Variants in DYNC2H1 observed in about 807,000 individuals in gnomAD.
DYNC2H1 encodes the protein cytoplasmic dynein 2 heavy chain 1.
Under a neutral mutation model 570.0 loss-of-function variants are expected in DYNC2H1, and 410 were observed. The observed-to-expected ratio is 0.72, with a 90% CI of 0.66 to 0.78. The LOEUF (loss-of-function observed/expected upper bound fraction) is 0.78, where lower values mean the gene tolerates loss of function less well. DYNC2H1 is among the 30% of genes least tolerant of loss of function. DYNC2H1 has a pLI of 0.00. For missense variants in DYNC2H1, 4,865 were observed against 5,046.4 expected, an observed-to-expected ratio of 0.96 and a Z score of 1.09; for synonymous variants, 1,688 against 1,677.6, an observed-to-expected ratio of 1.01 and a Z score of -0.15.
intron 12 of DYNC2H1, 61 bp downstream of exon 12, chr11:103,125,356 A>T: frequency 4.3e-4 from 361 of 847,594 alleles, no homozygotes; most frequent in Non-Finnish European, 5.6e-4. Flanking sequence ...AAACTAGAAT[A>T]TGCTAAAGGC....
chr11:103,342,977 G>C (rs561461108), intron 82 of DYNC2H1, among the ~76,000 whole-genome samples: 3 of 152,192 alleles, frequency 2.0e-5, no homozygotes, highest in African/African-American at 7.2e-5. Flanking sequence ...CTTAGAATTT[G>C]GGGGCTAAAC....
chr11:103,388,711 G>GCA (rs141355910), intron 83 of DYNC2H1, among the ~76,000 whole-genome samples: 1 of 151,636 alleles, frequency 6.6e-6, no homozygotes, highest in Non-Finnish European at 1.5e-5. Context: ...TTAGCATGAA[G>GCA]GTTGTTGAAT....
At position 103,275,333 on chromosome 11, in the gene DYNC2H1, A is replaced by T. The variant is rs990464105; in HGVS notation, c.10696-5015A>T. On this transcript the variant is annotated intron_variant, in intron 70 of 88. Transcript: ENST00000375735. The surrounding 1 kb of genome is among the most constrained non-coding windows in gnomAD (Gnocchi z 4.8). ...GTGGTACACTTGTTAAAACTGTTCA[A>T]CTTACATTGACACATCCTAATCACC... Among the ~76,000 whole-genome samples, 4 of 152,284 alleles carry T rather than the reference A, an allele frequency of 2.6e-5. No homozygotes were observed. The highest frequency in any genetic ancestry group is 5.9e-5 in the Non-Finnish European group (4 of 68,016).
chr11:103,350,790 C>T (rs1157637634), intron 82 of DYNC2H1, among the ~76,000 whole-genome samples: 2 of 151,974 alleles, frequency 1.3e-5, no homozygotes, highest in African/African-American at 4.8e-5. Context: ...GTGAGGTCTC[C>T]AGTGTCTCTT....
At chr11:103,475,042 C>T (rs1473036708) in intron 88 of DYNC2H1, among the ~76,000 whole-genome samples, 1 of 152,124 alleles carries the variant, frequency 6.6e-6, no homozygotes, top group Non-Finnish European at 1.5e-5. Flanking sequence ...AAAAATTATG[C>T]AAGATGTTTA....
intron 78 of DYNC2H1, among the ~76,000 whole-genome samples, chr11:103,308,672 T>G (rs971254490): frequency 6.6e-6 from 1 of 152,170 alleles, no homozygotes; most frequent in Non-Finnish European, 1.5e-5. Context: ...TGTGTGTGTT[T>G]AATAGTGGTC....
Position 103,220,629 on chromosome 11 carries a change from G to A in DYNC2H1, c.8953G>A (p.Val2985Ile), listed in dbSNP as rs1183470556. The change falls in exon 57 of 89, where the codon GTC becomes ATC. Residue 2985 changes from valine (V) to isoleucine (I), a missense_variant. By Grantham distance (29) the Val-to-Ile change is conservative. Coordinates refer to ENST00000375735, the MANE Select transcript of DYNC2H1 (RefSeq NM_001377.3). ...TGGCCTTTTTCTCTTTTAGCCTTTA[G>A]TCAATGAAGCTAAACTAGCAGTTGG... ...DDELKEVQPL[V>I]NEAKLAVGNI... The A allele has an allele frequency of 2.5e-6, 4 of 1,603,366 alleles. No homozygotes were observed. In the African/African-American group the frequency reaches 5.4e-5, roughly 21 times the overall value.
chr11:103,381,538 C>T (rs535792072), intron 83 of DYNC2H1, among the ~76,000 whole-genome samples: 1 of 152,288 alleles, frequency 6.6e-6, no homozygotes, highest in Admixed American at 6.5e-5. Flanking sequence ...CAACCTCCAC[C>T]TCCCGCGTTC....
Position 103,113,827 on chromosome 11 carries a change from C to G in DYNC2H1, c.366+120C>G, listed in dbSNP as rs1006484042. ...AGTGTTTTAATTTTAATTAAAATAT[C>G]TTTTCTTAACTTTTTTTAACTTAAA... On this transcript the variant is annotated intron_variant, in intron 2 of 88. Coordinates refer to ENST00000375735, the MANE Select transcript of DYNC2H1 (RefSeq NM_001377.3). 4.4e-5 allele frequency: 39 copies of G among 889,292 alleles called. No individual in the cohort carries two copies. In the African/African-American group the frequency reaches 5.8e-4, roughly 13 times the overall value. 55.1% of individuals were successfully genotyped at this position (889,292 alleles called of 1,614,324 possible).
chr11:103,183,267 A>G (rs1301986767), intron 40 of DYNC2H1, among the ~76,000 whole-genome samples: 1 of 151,898 alleles, frequency 6.6e-6, no homozygotes, highest in African/African-American at 2.4e-5. Context: ...TCAGAGCCTA[A>G]CAAGGCTTTC....
chr11:103,474,060 C>T (rs766486174), intron 88 of DYNC2H1: 11 of 228,378 alleles, frequency 4.8e-5, no homozygotes, highest in South Asian at 3.1e-4. Context: ...ATTTCACTAA[C>T]ATATTTTGTA....
chr11:103,165,819 A>G, intron 30 of DYNC2H1, 79 bp from the exon 31 acceptor site: 2 of 1,211,984 alleles, frequency 1.7e-6, no homozygotes, highest in Non-Finnish European at 2.2e-6. Context: ...TATTTGAAAA[A>G]AGGTGCCTTT....
At chr11:103,407,142 C>T (rs1942894812) in intron 84 of DYNC2H1, 1 of 151,210 alleles carries the variant, frequency 6.6e-6, no homozygotes, top group Non-Finnish European at 1.5e-5. Flanking sequence ...ATGTTTATTT[C>T]TAGGCCTGTC....
intron 82 of DYNC2H1, among the ~76,000 whole-genome samples, chr11:103,336,566 T>A (rs4754064): frequency 6.6e-6 from 1 of 152,024 alleles, no homozygotes; most frequent in African/African-American, 2.4e-5. Context: ...TATTTGTCTT[T>A]CTGTACCTGG....
chr11:103,123,450 G>C (rs1278110004), intron 11 of DYNC2H1, among the ~76,000 whole-genome samples: 1 of 152,084 alleles, frequency 6.6e-6, no homozygotes, highest in African/African-American at 2.4e-5. Flanking sequence ...GAGCTATATT[G>C]AATGTATTAA....
rs991590842 is a variant in DYNC2H1, at chr11:103,156,749, A to G, written c.4106A>G (p.Asn1369Ser). The G allele has an allele frequency of 1.2e-6, 2 of 1,610,364 alleles. No homozygotes were observed. The highest frequency in any genetic ancestry group is 2.7e-5 in the African/African-American group (2 of 74,692). ...GALPKEQTRFNRVDEDFRSIM... is the reference protein window; with the variant it reads ...GALPKEQTRFSRVDEDFRSIM... ...TTGCCAAAAGAACAGACACGCTTCAACAGAGTTGATGAAGATTTTAGGTCA... is the reference window on the plus strand; with the variant it reads ...TTGCCAAAAGAACAGACACGCTTCAGCAGAGTTGATGAAGATTTTAGGTCA... Residue 1369 changes from asparagine (N) to serine (S), a missense_variant, in exon 26 of 89, where the codon AAC becomes AGC. Transcript: ENST00000375735.
intron 34 of DYNC2H1, 124 bp from the exon 35 acceptor site, chr11:103,172,958 C>T (rs771248032): frequency 1.3e-4 from 52 of 415,418 alleles, no homozygotes; most frequent in Non-Finnish European, 1.6e-4. Context: ...AGTAATATGT[C>T]ACAATAAAAT....
chr11:103,450,606 A>G (rs1337845986), intron 85 of DYNC2H1, among the ~76,000 whole-genome samples: 1 of 152,354 alleles, frequency 6.6e-6, no homozygotes, highest in Middle Eastern at 3.4e-3. Context: ...AGAAGATATC[A>G]AAAATAAAGT....
chr11:103,265,860 A>C (rs1456320089), intron 70 of DYNC2H1, among the ~76,000 whole-genome samples: 11 of 151,964 alleles, frequency 7.2e-5, no homozygotes, highest in Non-Finnish European at 1.5e-5. Flanking sequence ...CTTTTATTCT[A>C]TTTAATGACA....
Sources: gnomAD v4.1 joint callset for allele counts (sites outside exome capture counted in the v4.1 genomes callset) on GRCh38, gnomAD v4.1.1 for gene constraint, Gnocchi (gnomAD v3.1) non-coding constraint, MANE v1.5 for transcripts, NCBI Gene and HGNC (gene_info 2026-07-23, HGNC 2026-07-21) for gene names.